The following CNTLN variants were observed in gnomAD, a reference collection of about 807,000 sequenced individuals.
CNTLN encodes centlein.
CNTLN carries 212 observed loss-of-function variants against 180.0 expected under a neutral mutation model. The ratio of observed to expected loss-of-function variants is 1.18; its 90% CI spans 1.05 to 1.32. The LOEUF (loss-of-function observed/expected upper bound fraction) is 1.32, where lower values mean the gene tolerates loss of function less well. Ranked by LOEUF, CNTLN falls within the 40% of genes most tolerant of loss-of-function variation. The pLI, the probability that CNTLN is intolerant of heterozygous loss-of-function variation, is 0.00. For synonymous variants in CNTLN, 722 were observed against 563.1 expected (o/e 1.28, Z -3.99); for missense variants, 2,095 against 1,610.9 (o/e 1.30, Z -5.14).
intron 2 of CNTLN, among the ~76,000 whole-genome samples, chr9:17,173,557 G>A (rs1292612101): frequency 6.6e-6 from 1 of 152,036 alleles, no homozygotes; most frequent in African/African-American, 2.4e-5. Flanking sequence ...TGAAATTATG[G>A]TATTAAAAGT....
intron 21 of CNTLN, among the ~76,000 whole-genome samples, chr9:17,465,771 T>C (rs574881639): frequency 6.6e-6 from 1 of 151,412 alleles, no homozygotes; most frequent in African/African-American, 2.4e-5. Flanking sequence ...TCATTTAGTT[T>C]GTGTGCAATT....
In CNTLN at chr9:17,339,316, G is replaced by A. The variant is rs190874981; in HGVS notation, c.1645-1511G>A. Among the ~76,000 whole-genome samples the A allele has an allele frequency of 1.4e-3, 219 of 152,298 alleles. 1 individual carries two copies. The highest frequency in any genetic ancestry group is 4.9e-3 in the African/African-American group (204 of 41,572). On this transcript the variant is annotated intron_variant, in intron 10 of 25. Transcript: ENST00000380647. Reference sequence around the variant, plus strand: ...TCTCACTGTTTAGATGAGAGGTCAAGAAACAGTTACTTGGTTTCTAAAAGA... The same window carrying A: ...TCTCACTGTTTAGATGAGAGGTCAAAAAACAGTTACTTGGTTTCTAAAAGA...
intron 11 of CNTLN, 38 bp from the exon 12 acceptor site, chr9:17,342,287 A>T (rs528541188): frequency 3.8e-6 from 6 of 1,597,558 alleles, no homozygotes; most frequent in South Asian, 2.3e-5. Flanking sequence ...TGCACTTCAG[A>T]CATGTTAATT....
intron 2 of CNTLN, among the ~76,000 whole-genome samples, chr9:17,179,198 C>T (rs1232702428): frequency 4.1e-5 from 6 of 147,066 alleles, no homozygotes; most frequent in African/African-American, 1.5e-4. Flanking sequence ...GAGCCGAGAT[C>T]CCGCCACTGC....
chr9:17,407,561 G>A (rs544687564), intron 15 of CNTLN, among the ~76,000 whole-genome samples: 2 of 152,242 alleles, frequency 1.3e-5, no homozygotes, highest in African/African-American at 4.8e-5. Context: ...AGTTTATTTG[G>A]CTATAAAATA....
chr9:17,419,724 A>G (rs548622097), intron 18 of CNTLN, among the ~76,000 whole-genome samples: 4 of 152,312 alleles, frequency 2.6e-5, no homozygotes, highest in South Asian at 4.1e-4. Flanking sequence ...CTTCCACTGT[A>G]TATTTTAAAG....
At chr9:17,187,751 C>T (rs550512957) in intron 2 of CNTLN, among the ~76,000 whole-genome samples, 1 of 151,268 alleles carries the variant, frequency 6.6e-6, no homozygotes, top group Admixed American at 6.6e-5. Flanking sequence ...CATATTTTTA[C>T]TGTTAGAAAT....
chr9:17,452,596 C>T lies in CNTLN; in HGVS notation c.3115-4928C>T, dbSNP rs1486219177. 3.3e-5 allele frequency among the ~76,000 whole-genome samples: 5 copies of T among 152,106 alleles called. No homozygotes were observed. The East Asian group carries it at 7.7e-4, about 23-fold the overall frequency. ...TTGTTACATATTTCTGGATTATAGA[C>T]CAGTAGCTACCTAAAGGCAAGGATT... On this transcript the variant is annotated intron_variant, in intron 18 of 25. Transcript: ENST00000380647.
At chr9:17,234,072 T>A (rs1231511269) in intron 3 of CNTLN, among the ~76,000 whole-genome samples, 2 of 152,178 alleles carry the variant, frequency 1.3e-5, no homozygotes, top group African/African-American at 4.8e-5. Flanking sequence ...TACACACTGA[T>A]CACAGATTAT....
intron 18 of CNTLN, among the ~76,000 whole-genome samples, chr9:17,452,117 G>A (rs1161776152): frequency 3.3e-5 from 5 of 151,196 alleles, no homozygotes; most frequent in East Asian, 4.1e-4. Flanking sequence ...CAAGATCAGA[G>A]AGTATCTAAA....
At chr9:17,308,949 A>G in intron 7 of CNTLN, 109 bp from the exon 8 acceptor site, 1 of 547,960 alleles carries the variant, frequency 1.8e-6, no homozygotes, top group Non-Finnish European at 2.8e-6. Flanking sequence ...TGAGGGCAAG[A>G]ACTGTGTTTA....
At position 17,135,153 on chromosome 9, in the gene CNTLN, G is replaced by A. The variant is rs763021221; in HGVS notation, c.88G>A (p.Glu30Lys). The change falls in exon 1 of 26, where the codon GAA (glutamate) becomes AAA (lysine). Residue 30 changes from glutamate to lysine, a missense_variant. Coordinates refer to ENST00000380647, the MANE Select transcript of CNTLN (RefSeq NM_017738.4). Reference protein sequence around the residue: ...PRSPRVGRGAEVHAMRSEASG... With the variant: ...PRSPRVGRGAKVHAMRSEASG... ...GTCCCCACGTGTTGGGCGGGGAGCT[G>A]AAGTACACGCAATGCGCAGCGAGGC... 2 of 1,609,190 alleles carry A rather than the reference G, an allele frequency of 1.2e-6. No homozygotes were observed. The highest frequency in any genetic ancestry group is 3.4e-5 in the Admixed American group (2 of 59,356).
At chr9:17,225,826 ACT>A (rs1824430755) in intron 2 of CNTLN, among the ~76,000 whole-genome samples, 1 of 151,860 alleles carries the variant, frequency 6.6e-6, no homozygotes, top group African/African-American at 2.4e-5. Context: ...AATCTCTGTC[ACT>A]CTCTCTTTTG....
At chr9:17,428,042 A>C (rs2133964429) in intron 18 of CNTLN, among the ~76,000 whole-genome samples, 1 of 152,306 alleles carries the variant, frequency 6.6e-6, no homozygotes, top group Admixed American at 6.5e-5. Flanking sequence ...GATTACAGAG[A>C]GTGCATTGTA....
At chr9:17,489,965 T>C (rs1833068519) in intron 25 of CNTLN, among the ~76,000 whole-genome samples, 1 of 152,170 alleles carries the variant, frequency 6.6e-6, no homozygotes, top group Non-Finnish European at 1.5e-5. Flanking sequence ...AATCTCTCTT[T>C]TCACATTGAT....
In CNTLN at chr9:17,313,003, A is replaced by G. The variant is rs534057755; in HGVS notation, c.1341+3751A>G. 1.3e-4 allele frequency among the ~76,000 whole-genome samples: 20 copies of G among 152,174 alleles called. No individual in the cohort carries two copies. In the East Asian group the frequency reaches 3.3e-3, roughly 25 times the overall value. ...GCTTCATGGGTTTTAAAGCTGTTTT[A>G]TTAGTTGTATGCATATTTATGATTG... On this transcript the variant is annotated intron_variant, in intron 8 of 25. Transcript: ENST00000380647.
At chr9:17,517,697 G>A in the CNTLN span, among the ~76,000 whole-genome samples, 1 of 152,102 alleles carries the variant, frequency 6.6e-6, no homozygotes, top group East Asian at 1.9e-4. Context: ...CTCCAGCAAG[G>A]CCATTGGAGG....
intron 8 of CNTLN, among the ~76,000 whole-genome samples, chr9:17,329,939 C>A (rs1194285194): frequency 6.6e-6 from 1 of 151,778 alleles, no homozygotes; most frequent in Non-Finnish European, 1.5e-5. Flanking sequence ...TTTGAAACAG[C>A]GAATTTGCAT....
intron 2 of CNTLN, among the ~76,000 whole-genome samples, chr9:17,176,285 AT>A (rs371486425): frequency 0.025 from 3,806 of 149,582 alleles, 106 homozygotes; most frequent in African/African-American, 0.071. Context: ...ATTGCTGATA[AT>A]TTTTTTTTTA....
Sources: gnomAD v4.1 joint callset for allele counts (sites outside exome capture counted in the v4.1 genomes callset) on GRCh38, gnomAD v4.1.1 for gene constraint, MANE v1.5 for transcripts, NCBI Gene and HGNC (gene_info 2026-07-23, HGNC 2026-07-21) for gene names.